The following UBE2K variants were observed in gnomAD, a reference collection of about 807,000 sequenced individuals.
UBE2K encodes the protein ubiquitin-conjugating enzyme E2 K.
Under a neutral mutation model 30.0 loss-of-function variants are expected in UBE2K, and 6 were observed. The observed-to-expected ratio is 0.20, with a 90% CI of 0.11 to 0.39. The LOEUF (loss-of-function observed/expected upper bound fraction) is 0.39, where lower values mean the gene tolerates loss of function less well. Among genes scored for constraint, UBE2K ranks in the 10% least tolerant of loss-of-function variants. The probability of loss-of-function intolerance (pLI) is 1.00; values close to 1 mark genes in which losing one functional copy is unlikely to be tolerated. For synonymous variants in UBE2K, 86 were observed against 83.7 expected (o/e 1.03, Z -0.15); for missense variants, 61 against 241.6 (o/e 0.25, Z 4.96).
At position 39,747,074 on chromosome 4, in the gene UBE2K, T is replaced by C. The variant is rs567277274; in HGVS notation, c.216+1264T>C. 5.9e-5 allele frequency among the ~76,000 whole-genome samples: 9 copies of C among 152,336 alleles called. No homozygotes were observed. In the South Asian group the frequency reaches 8.3e-4, roughly 14 times the overall value. ...CCTATTGGTTGTTCCAGTTTAAGAA[T>C]AGATATGATAATGGAAGTTCCAGGG... On this transcript the variant is annotated intron_variant, in intron 3 of 6. Coordinates refer to ENST00000261427, the MANE Select transcript of UBE2K (RefSeq NM_005339.5).
In UBE2K at chr4:39,757,860, C is replaced by T. The variant is rs142640021; in HGVS notation, c.299+2121C>T. 2.6e-5 allele frequency among the ~76,000 whole-genome samples: 4 copies of T among 152,268 alleles called. No individual in the cohort carries two copies. In the East Asian group the frequency reaches 5.8e-4, roughly 22 times the overall value. On this transcript the variant is annotated intron_variant, in intron 4 of 6. Transcript: ENST00000261427. ...TCACTCCCAGATTCCTTAACCAGTT[C>T]CTTGCATCTTTGTGTATTAGAATGC...
At chr4:39,704,894 C>A (rs909239929) in intron 1 of UBE2K, among the ~76,000 whole-genome samples, 2 of 122,298 alleles carry the variant, frequency 1.6e-5, no homozygotes, top group Non-Finnish European at 3.2e-5. Context: ...TTTTTTTAGA[C>A]GGAGTCTCCC....
chr4:39,765,103 T>G (rs1712231269), intron 4 of UBE2K, among the ~76,000 whole-genome samples: 1 of 152,050 alleles, frequency 6.6e-6, no homozygotes, highest in East Asian at 2.0e-4. Context: ...GCCAGGATGG[T>G]CTCAATCTCC....
In UBE2K at chr4:39,736,013, GTT is replaced by G. The variant is rs11323808; in HGVS notation, c.64-1397_64-1396del. On this transcript the variant is annotated intron_variant, in intron 1 of 6. Coordinates refer to ENST00000261427, the MANE Select transcript of UBE2K (RefSeq NM_005339.5). Reference sequence around the variant, plus strand: ...ACATAGAAAAAGAGTAAAAATTGTGGTTTTTTTTTTTGGGTTGGAGGAGGAAG... The same window carrying G: ...ACATAGAAAAAGAGTAAAAATTGTGGTTTTTTTTTGGGTTGGAGGAGGAAG... 1.1e-3 allele frequency among the ~76,000 whole-genome samples: 165 copies of G among 149,240 alleles called. 1 individual carries two copies. The highest frequency in any genetic ancestry group is 3.5e-3 in the African/African-American group (144 of 40,996).
rs189759978 is a variant in UBE2K, at chr4:39,725,932, C to T, written c.64-11488C>T. Among the ~76,000 whole-genome samples, 23 of 147,468 alleles carry T rather than the reference C, an allele frequency of 1.6e-4. No individual in the cohort carries two copies. In the South Asian group the frequency reaches 4.4e-3, roughly 28 times the overall value. ...TGTTGGGATTACAGGCATGTACCACCACACTTGGCCTTTTTTTTTAAAATA... is the reference window on the plus strand; with the variant it reads ...TGTTGGGATTACAGGCATGTACCACTACACTTGGCCTTTTTTTTTAAAATA... On this transcript the variant is annotated intron_variant, in intron 1 of 6. Transcript: ENST00000261427.
chr4:39,738,747 G>A (rs968014331), intron 2 of UBE2K, among the ~76,000 whole-genome samples: 2 of 151,926 alleles, frequency 1.3e-5, no homozygotes, highest in African/African-American at 4.8e-5. Context: ...GTGAAATCTT[G>A]GCTCACTGCA....
chr4:39,715,245 G>A (rs1718991628), intron 1 of UBE2K, among the ~76,000 whole-genome samples: 1 of 151,648 alleles, frequency 6.6e-6, no homozygotes. Flanking sequence ...TAGCCAGATG[G>A]TCTCAATCTC....
intron 1 of UBE2K, among the ~76,000 whole-genome samples, chr4:39,703,076 C>T (rs1718124956): frequency 6.6e-6 from 1 of 152,094 alleles, no homozygotes; most frequent in Admixed American, 6.5e-5. Flanking sequence ...TCACTGCAAC[C>T]TCCACCTCCT....
chr4:39,756,289 C>G (rs1721512955), intron 4 of UBE2K, among the ~76,000 whole-genome samples: 1 of 152,226 alleles, frequency 6.6e-6, no homozygotes, highest in African/African-American at 2.4e-5. Context: ...AGGTTCACAT[C>G]TTGGCTCTCC....
intron 4 of UBE2K, among the ~76,000 whole-genome samples, chr4:39,769,645 TG>T (rs1441427228): frequency 1.3e-5 from 2 of 151,658 alleles, no homozygotes; most frequent in African/African-American, 4.8e-5. Flanking sequence ...AGCAGGAGCA[TG>T]TCCTCCTGCC....
At chr4:39,737,192 G>T (rs1345749914) in intron 1 of UBE2K, among the ~76,000 whole-genome samples, 1 of 152,066 alleles carries the variant, frequency 6.6e-6, no homozygotes, top group Non-Finnish European at 1.5e-5. Context: ...CCATTGTATT[G>T]TTGTTCATAG....
intron 2 of UBE2K, 100 bp from the exon 3 acceptor site, chr4:39,745,652 A>G (rs1720951054): frequency 4.1e-6 from 3 of 736,166 alleles, no homozygotes; most frequent in Non-Finnish European, 6.6e-6. Context: ...AATTTTTATA[A>G]TTGAATATAA....
At chr4:39,699,815 G>A (rs143205440) in intron 1 of UBE2K, among the ~76,000 whole-genome samples, 12 of 152,116 alleles carry the variant, frequency 7.9e-5, no homozygotes, top group African/African-American at 2.9e-4. Flanking sequence ...AGTCATGGTC[G>A]GTTTTACAGA....
At chr4:39,753,778 G>A (rs1375992561) in intron 3 of UBE2K, among the ~76,000 whole-genome samples, 1 of 152,166 alleles carries the variant, frequency 6.6e-6, no homozygotes, top group African/African-American at 2.4e-5. Context: ...TGGAGTGTGG[G>A]ATAGAGGTAA....
At chr4:39,704,530 A>G (rs1363757074) in intron 1 of UBE2K, among the ~76,000 whole-genome samples, 1 of 151,878 alleles carries the variant, frequency 6.6e-6, no homozygotes, top group African/African-American at 2.4e-5. Context: ...TGGGCTCCCT[A>G]GCTTCTTCCC....
At chr4:39,733,406 C>T (rs1334993329) in intron 1 of UBE2K, among the ~76,000 whole-genome samples, 2 of 148,764 alleles carry the variant, frequency 1.3e-5, no homozygotes, top group East Asian at 2.0e-4. Flanking sequence ...AATCTCGGCT[C>T]ACTGCAACCT....
intron 1 of UBE2K, among the ~76,000 whole-genome samples, chr4:39,718,834 A>G (rs1386006716): frequency 6.6e-6 from 1 of 152,246 alleles, no homozygotes; most frequent in Non-Finnish European, 1.5e-5. Flanking sequence ...CTGGAAATCT[A>G]GCTGGCCTGC....
intron 4 of UBE2K, among the ~76,000 whole-genome samples, chr4:39,772,976 C>G (rs958622159): frequency 1.3e-4 from 17 of 128,046 alleles, no homozygotes; most frequent in Admixed American, 1.3e-3. Flanking sequence ...TGTGAGCCAC[C>G]GCGCCCAGCC....
At chr4:39,710,081 T>G (rs1718585448) in intron 1 of UBE2K, 1 of 152,044 alleles carries the variant, frequency 6.6e-6, no homozygotes, top group South Asian at 2.1e-4. Context: ...ATTTTTTTAT[T>G]TTTTTAAGGC....
Sources: allele counts gnomAD v4.1 joint callset (sites outside exome capture counted in the v4.1 genomes callset), GRCh38; gene constraint gnomAD v4.1.1; transcripts MANE v1.5; gene names NCBI Gene and HGNC (gene_info 2026-07-23, HGNC 2026-07-21).